Variants in CENPQ observed in about 807,000 individuals in gnomAD.
CENPQ encodes centromere protein Q.
Under a neutral mutation model 36.6 loss-of-function variants are expected in CENPQ, and 27 were observed. That is an observed-to-expected ratio of 0.74 (90% CI 0.54 to 1.02). The LOEUF (loss-of-function observed/expected upper bound fraction) is 1.02, where lower values mean the gene tolerates loss of function less well. CENPQ is among the 50% of genes least tolerant of loss of function. The pLI is 0.00. For missense variants in CENPQ, 306 were observed against 301.8 expected, an observed-to-expected ratio of 1.01 and a Z score of -0.10; for synonymous variants, 101 against 101.7, an observed-to-expected ratio of 0.99 and a Z score of 0.04.
At chr6:49,463,486 A>C (rs1416327498) in intron 1 of CENPQ, 33 bp downstream of exon 1, 2 of 152,204 alleles carry the variant, frequency 1.3e-5, no homozygotes, top group Non-Finnish European at 2.9e-5. Flanking sequence ...GGCTGGGTGG[A>C]TCTAAAGTTC....
At position 49,492,344 on chromosome 6, in the gene CENPQ, T is replaced by C. The variant is rs1768743463; in HGVS notation, c.*69T>C. On this transcript the variant is annotated 3_prime_UTR_variant, in exon 9 of 9. Coordinates refer to ENST00000335783, the MANE Select transcript of CENPQ (RefSeq NM_018132.4). ...GTGAATTTGTAAAACTGTTAACCTA[T>C]GATTATATGTACAGAGGCTAAGGCT... 4 of 1,359,258 alleles carry C rather than the reference T, an allele frequency of 2.9e-6. No homozygotes were observed. Among genetic ancestry groups the C allele is most frequent in the Admixed American group, 2.4e-5 (1 of 41,082 alleles). The allele number at this position is 1,359,258 out of a possible 1,614,324, so 84.2% of individuals were successfully genotyped here.
rs1219975747 is a variant in CENPQ, at chr6:49,466,742, T to C, written c.-19+3289T>C. 3.9e-5 allele frequency among the ~76,000 whole-genome samples: 6 copies of C among 152,354 alleles called. 1 individual carries two copies. In the East Asian group the frequency reaches 1.2e-3, roughly 29 times the overall value. Reference sequence around the variant, plus strand: ...CTCAAATACCGTTCTAGGTGGTTTATATATTCTTTGTTACATCATTTTTGC... The same window carrying C: ...CTCAAATACCGTTCTAGGTGGTTTACATATTCTTTGTTACATCATTTTTGC... On this transcript the variant is annotated intron_variant, in intron 1 of 8. Coordinates refer to ENST00000335783, the MANE Select transcript of CENPQ (RefSeq NM_018132.4).
intron 5 of CENPQ, among the ~76,000 whole-genome samples, chr6:49,474,940 T>A (rs1021411239): frequency 6.6e-6 from 1 of 151,810 alleles, no homozygotes; most frequent in Admixed American, 6.6e-5. Flanking sequence ...CACATACACC[T>A]CCCAAGACTA....
intron 4 of CENPQ, 102 bp downstream of exon 4, chr6:49,472,285 G>T: frequency 2.2e-6 from 2 of 907,224 alleles, no homozygotes; most frequent in South Asian, 3.4e-5. Context: ...AGGTAATAGA[G>T]TATATTTCTA....
chr6:49,467,564 T>G (rs1768032498), intron 1 of CENPQ, among the ~76,000 whole-genome samples: 2 of 152,242 alleles, frequency 1.3e-5, no homozygotes, highest in South Asian at 4.1e-4. Flanking sequence ...TATTTTATGA[T>G]AAGGTTCAAT....
chr6:49,475,698 C>A (rs1203310729), intron 5 of CENPQ, among the ~76,000 whole-genome samples: 1 of 152,164 alleles, frequency 6.6e-6, no homozygotes, highest in Non-Finnish European at 1.5e-5. Context: ...CCAAAATCTC[C>A]TTAAGCTGAT....
Position 49,492,568 on chromosome 6 carries a change from C to G in CENPQ, c.*293C>G, listed in dbSNP as rs556255367. ...CTTAAGGATCTAGTAGTTTATAATG[C>G]CTGAATGGAACTCATTTATTGGTTA... On this transcript the variant is annotated 3_prime_UTR_variant, in exon 9 of 9. Coordinates refer to ENST00000335783, the MANE Select transcript of CENPQ (RefSeq NM_018132.4). 1 of 218,204 alleles carries G rather than the reference C, an allele frequency of 4.6e-6. No homozygotes were observed. Among genetic ancestry groups the G allele is most frequent in the Non-Finnish European group, 8.8e-6 (1 of 113,088 alleles). The allele number at this position is 218,204 out of a possible 1,614,324, so 13.5% of individuals were successfully genotyped here.
chr6:49,474,626 C>A (rs1768229971), intron 5 of CENPQ, among the ~76,000 whole-genome samples: 1 of 152,212 alleles, frequency 6.6e-6, no homozygotes, highest in Non-Finnish European at 1.5e-5. Context: ...CAAACACTTT[C>A]AAAAGCTAGC....
rs751162351 is a variant in CENPQ at position 49,492,235 on chromosome 6, C to A, written c.767C>A (p.Thr256Asn). ...TCATCACAGATGAAGAGCATGTCAACCTTCATTGAAGAAGCCTATAAGAAA... is the reference window on the plus strand; with the variant it reads ...TCATCACAGATGAAGAGCATGTCAAACTTCATTGAAGAAGCCTATAAGAAA... ...HNSSQMKSMS[T>N]FIEEAYKKLD... The change falls in exon 9 of 9, where the codon ACC becomes AAC. Residue 256 changes from threonine to asparagine, a missense_variant. Thr to Asn is a moderately conservative substitution (Grantham distance 65). Coordinates refer to ENST00000335783, the MANE Select transcript of CENPQ (RefSeq NM_018132.4). The A allele has an allele frequency of 1.2e-6, 2 of 1,606,316 alleles. No homozygotes were observed. Among genetic ancestry groups the A allele is most frequent in the Non-Finnish European group, 1.7e-6 (2 of 1,177,058 alleles).
At chr6:49,469,177 C>T (rs968256612) in intron 1 of CENPQ, among the ~76,000 whole-genome samples, 3 of 152,098 alleles carry the variant, frequency 2.0e-5, no homozygotes, top group Middle Eastern at 3.4e-3. Context: ...AAGCTTTTAA[C>T]GTTTGAGAGG....
intron 1 of CENPQ, among the ~76,000 whole-genome samples, chr6:49,467,800 A>G (rs1768037703): frequency 6.6e-6 from 1 of 152,198 alleles, no homozygotes; most frequent in Non-Finnish European, 1.5e-5. Context: ...GAAATGAAGT[A>G]GAATAGTTAG....
rs1433785420 is a variant in CENPQ at position 49,488,611 on chromosome 6, A to G, written c.602A>G (p.His201Arg). The change falls in exon 8 of 9, where the codon CAT (histidine) becomes CGT (arginine). Residue 201 changes from histidine to arginine, a missense_variant. Physicochemically the swap from His to Arg is conservative, Grantham distance 29. Transcript: ENST00000335783. ...EEEEERVKQM[H>R]QINSSGVLSL... is the part of the protein sequence containing the mutation. ...TGTAGCTTTCTTCTACTTTAGATGC[A>G]TCAAATAAATAGTAGTGGAGTACTC... 3 of 1,612,894 alleles carry G rather than the reference A, an allele frequency of 1.9e-6. No individual in the cohort carries two copies. The Admixed American group carries it at 5.0e-5, about 27-fold the overall frequency.
chr6:49,463,837 G>T (rs555837187), intron 1 of CENPQ, among the ~76,000 whole-genome samples: 44 of 152,180 alleles, frequency 2.9e-4, no homozygotes, highest in Admixed American at 1.8e-3. Flanking sequence ...AGTCCCATGA[G>T]TATCAACAAG....
chr6:49,488,661 ACT>A lies in CENPQ; in HGVS notation c.656_657del (p.Leu219GlnfsTer28), dbSNP rs751201150. 22 of 1,613,198 alleles carry A rather than the reference ACT, an allele frequency of 1.4e-5. No homozygotes were observed. Among genetic ancestry groups the A allele is most frequent in the Non-Finnish European group, 1.9e-5 (22 of 1,179,480 alleles). On this transcript the variant is annotated frameshift_variant, in exon 8 of 9. Transcript: ENST00000335783. LOFTEE classifies it high-confidence loss of function. ...CTCTCTTCCGGAACTTTCTCAGAAA[ACT>A]CTCAAAGCACCCACACTTCAGGTAA... ...VLSLPELSQK[T>X]LKAPTLQKEI... is the part of the protein sequence containing the mutation.
intron 6 of CENPQ, among the ~76,000 whole-genome samples, chr6:49,484,706 A>G (rs1768534991): frequency 6.6e-6 from 1 of 152,176 alleles, no homozygotes; most frequent in South Asian, 2.1e-4. Context: ...GCACAAATCT[A>G]TATGTATTTT....
chr6:49,481,466 C>T (rs1324858052), intron 6 of CENPQ, among the ~76,000 whole-genome samples: 4 of 152,122 alleles, frequency 2.6e-5, no homozygotes, highest in African/African-American at 4.8e-5. Context: ...CAGACCTTCG[C>T]GGTGAGTGTT....
At position 49,492,281 on chromosome 6, in the gene CENPQ, G is replaced by GTTT; in HGVS notation, c.*14_*16dup. 5 of 1,251,372 alleles carry GTTT rather than the reference G, an allele frequency of 4.0e-6. No individual in the cohort carries two copies. The highest frequency in any genetic ancestry group is 2.6e-5 in the Admixed American group (1 of 39,214). The allele number at this position is 1,251,372 out of a possible 1,614,324, so 77.5% of individuals were successfully genotyped here. On this transcript the variant is annotated 3_prime_UTR_variant, in exon 9 of 9. Transcript: ENST00000335783. ...AGAAACTGGATGCATCTTAAAGAGT[G>GTTT]TTTTTTTTTTAGATTGTTCCATATT...
At chr6:49,464,187 G>A (rs745768098) in intron 1 of CENPQ, among the ~76,000 whole-genome samples, 25 of 151,968 alleles carry the variant, frequency 1.6e-4, no homozygotes, top group Non-Finnish European at 2.9e-4. Context: ...CCTGTCACAC[G>A]ATTTTTTTGG....
chr6:49,480,096 A>G (rs1304940086), intron 5 of CENPQ, among the ~76,000 whole-genome samples: 1 of 152,134 alleles, frequency 6.6e-6, no homozygotes. Context: ...CTGAATCTAA[A>G]ATAAAAGATT....
Sources: allele counts gnomAD v4.1 joint callset (sites outside exome capture counted in the v4.1 genomes callset), GRCh38; gene constraint gnomAD v4.1.1; transcripts MANE v1.5; gene names NCBI Gene and HGNC (gene_info 2026-07-23, HGNC 2026-07-21).